CSMD1: variants seen among roughly 807,000 people sequenced by gnomAD.
The protein encoded by CSMD1 is CUB and sushi domain-containing protein 1.
CSMD1 carries 213 observed loss-of-function variants against 417.5 expected under a neutral mutation model. That is an observed-to-expected ratio of 0.51 (90% CI 0.46 to 0.57). The LOEUF is 0.57. CSMD1 is among the 20% of genes least tolerant of loss of function. CSMD1 has a pLI of 0.00. For synonymous variants in CSMD1, 2,862 were observed against 1,736.8 expected (o/e 1.65, Z -16.11); for missense variants, 6,923 against 4,529.7 (o/e 1.53, Z -15.17).
intron 1 of CSMD1, among the ~76,000 whole-genome samples, chr8:4,798,289 G>C (rs552804897): frequency 6.6e-6 from 1 of 152,268 alleles, no homozygotes; most frequent in South Asian, 2.1e-4. Context: ...GCGCTAGTTT[G>C]CTGAGAATGA....
chr8:3,177,739 G>C (rs1205801867), intron 37 of CSMD1, among the ~76,000 whole-genome samples: 1 of 152,158 alleles, frequency 6.6e-6, no homozygotes, highest in Non-Finnish European at 1.5e-5. Context: ...GCTTCCACCA[G>C]ATCAATACTG....
intron 47 of CSMD1, among the ~76,000 whole-genome samples, chr8:3,093,850 G>A (rs766697121): frequency 3.3e-5 from 5 of 152,150 alleles, no homozygotes; most frequent in Non-Finnish European, 7.3e-5. Flanking sequence ...GATATTAATA[G>A]ATCTCACTAT....
chr8:4,434,413 C>G (rs963957183), intron 2 of CSMD1, among the ~76,000 whole-genome samples: 1 of 152,122 alleles, frequency 6.6e-6, no homozygotes, highest in African/African-American at 2.4e-5. Context: ...TTTGGCAGCA[C>G]AAGCCACTTT....
chr8:3,066,405 G>A (rs771674336), intron 49 of CSMD1, among the ~76,000 whole-genome samples: 1 of 152,190 alleles, frequency 6.6e-6, no homozygotes, highest in Non-Finnish European at 1.5e-5. Context: ...ACTCAAATGA[G>A]AACTCCCTTC....
At chr8:4,903,328 A>G (rs2117053215) in intron 1 of CSMD1, among the ~76,000 whole-genome samples, 1 of 152,288 alleles carries the variant, frequency 6.6e-6, no homozygotes, top group South Asian at 2.1e-4. Context: ...GGATAAAATT[A>G]CCATCTTTGA....
chr8:3,190,816 A>G (rs1170509744), intron 33 of CSMD1, among the ~76,000 whole-genome samples: 1 of 152,244 alleles, frequency 6.6e-6, no homozygotes, highest in Non-Finnish European at 1.5e-5. Context: ...AATAACACGG[A>G]TGAACCTTGA....
intron 7 of CSMD1, among the ~76,000 whole-genome samples, chr8:3,676,036 A>C (rs13261262): frequency 0.32 from 48,978 of 152,036 alleles, 8,651 homozygotes; most frequent in Admixed American, 0.44. Flanking sequence ...ATTTATGACA[A>C]ATATAGGCAT....
At chr8:3,300,054 A>T (rs1368051020) in intron 25 of CSMD1, among the ~76,000 whole-genome samples, 3 of 152,192 alleles carry the variant, frequency 2.0e-5, no homozygotes, top group African/African-American at 4.8e-5. Flanking sequence ...AAAAATTAAA[A>T]ACAACCTGAA....
At chr8:4,155,568 C>G (rs892704975) in intron 3 of CSMD1, among the ~76,000 whole-genome samples, 1 of 152,110 alleles carries the variant, frequency 6.6e-6, no homozygotes, top group Non-Finnish European at 1.5e-5. Flanking sequence ...AACGAACGTT[C>G]TTATCTTTAA....
chr8:3,798,714 G>A (rs987200924), intron 5 of CSMD1, among the ~76,000 whole-genome samples: 2 of 151,860 alleles, frequency 1.3e-5, no homozygotes, highest in African/African-American at 4.8e-5. Context: ...AAACATAACT[G>A]TATGTATACA....
intron 5 of CSMD1, among the ~76,000 whole-genome samples, chr8:3,867,424 A>G (rs1252703146): frequency 1.3e-5 from 2 of 152,102 alleles, no homozygotes; most frequent in African/African-American, 4.8e-5. Flanking sequence ...ACTCAGGAGT[A>G]TTTGCCCTTG....
At chr8:3,455,681 T>A (rs1473433519) in intron 12 of CSMD1, among the ~76,000 whole-genome samples, 1 of 152,210 alleles carries the variant, frequency 6.6e-6, no homozygotes, top group Non-Finnish European at 1.5e-5. Context: ...AAATTTTGTC[T>A]CAGAGGAGTA....
At chr8:4,503,161 T>A (rs1248497476) in intron 2 of CSMD1, among the ~76,000 whole-genome samples, 1 of 152,200 alleles carries the variant, frequency 6.6e-6, no homozygotes, top group Admixed American at 6.5e-5. Flanking sequence ...GTGCTTTTAA[T>A]ATATAGTCTC....
At chr8:4,331,103 G>T (rs763073179) in intron 3 of CSMD1, among the ~76,000 whole-genome samples, 2 of 152,058 alleles carry the variant, frequency 1.3e-5, no homozygotes, top group Non-Finnish European at 2.9e-5. Flanking sequence ...ACATATAATA[G>T]CAAAATGAAA....
chr8:4,895,567 G>T (rs1804428956), intron 1 of CSMD1, among the ~76,000 whole-genome samples: 1 of 152,032 alleles, frequency 6.6e-6, no homozygotes. Flanking sequence ...AAATTTTGCT[G>T]ATTCAAAGGT....
At chr8:4,289,558 C>G (rs1224087587) in intron 3 of CSMD1, among the ~76,000 whole-genome samples, 1 of 152,182 alleles carries the variant, frequency 6.6e-6, no homozygotes, top group Non-Finnish European at 1.5e-5. Context: ...GTGTCTCCCA[C>G]TCAGAATTCA....
intron 3 of CSMD1, among the ~76,000 whole-genome samples, chr8:4,278,206 T>C (rs114175593): frequency 0.023 from 3,441 of 152,286 alleles, 143 homozygotes; most frequent in African/African-American, 0.078. Flanking sequence ...CAGTGCTCAA[T>C]AGAGCCAAGC....
intron 3 of CSMD1, among the ~76,000 whole-genome samples, chr8:4,199,976 T>C (rs1246393717): frequency 6.6e-6 from 1 of 152,222 alleles, no homozygotes; most frequent in Admixed American, 6.5e-5. Context: ...ATGAAATAAA[T>C]AATGGTGACT....
intron 8 of CSMD1, among the ~76,000 whole-genome samples, chr8:3,589,022 C>T (rs1456212626): frequency 6.6e-6 from 1 of 152,066 alleles, no homozygotes; most frequent in East Asian, 1.9e-4. Context: ...ATTAAAACCA[C>T]AGTGAGATAT....
Sources: gnomAD v4.1 joint callset for allele counts (sites outside exome capture counted in the v4.1 genomes callset) on GRCh38, gnomAD v4.1.1 for gene constraint, MANE v1.5 for transcripts, NCBI Gene and HGNC (gene_info 2026-07-23, HGNC 2026-07-21) for gene names.